The following CCDC7 variants were observed in gnomAD, a reference collection of about 807,000 sequenced individuals.
The protein encoded by CCDC7 is coiled-coil domain containing 7.
In CCDC7, 183 loss-of-function variants were observed where a neutral mutation model predicts 196.9. The observed-to-expected ratio is 0.93, with a 90% CI of 0.82 to 1.05. The LOEUF (loss-of-function observed/expected upper bound fraction) is 1.05. Ranked by LOEUF, CCDC7 falls within the 50% of genes least tolerant of loss-of-function variation. CCDC7 has a pLI of 0.00. For missense variants in CCDC7, 1,540 were observed against 1,482.2 expected (o/e 1.04, Z -0.64); for synonymous variants, 525 against 484.6 (o/e 1.08, Z -1.10).
At chr10:32,858,652 A>G (rs2093851969) in intron 41 of CCDC7, among the ~76,000 whole-genome samples, 1 of 152,132 alleles carries the variant, frequency 6.6e-6, no homozygotes, top group Non-Finnish European at 1.5e-5. Flanking sequence ...AAGTTTTAAT[A>G]GTATAGGTAT....
chr10:32,514,114 A>G (rs1004327660), intron 9 of CCDC7: 13 of 152,230 alleles, frequency 8.5e-5, no homozygotes, highest in African/African-American at 3.1e-4. Flanking sequence ...ATTGGAAGTA[A>G]TGAATGAATT....
intron 21 of CCDC7, among the ~76,000 whole-genome samples, chr10:32,671,539 TA>T (rs2074060100): frequency 6.6e-6 from 1 of 152,190 alleles, no homozygotes; most frequent in Non-Finnish European, 1.5e-5. Flanking sequence ...CTGATCCTCC[TA>T]AAAAATGTTT....
At chr10:32,771,186 G>A (rs963609729) in intron 28 of CCDC7, among the ~76,000 whole-genome samples, 4 of 152,092 alleles carry the variant, frequency 2.6e-5, no homozygotes, top group Non-Finnish European at 4.4e-5. Flanking sequence ...CAGCTTTCAA[G>A]AAATTATATT....
At chr10:32,680,549 T>A (rs755812423) in intron 21 of CCDC7, among the ~76,000 whole-genome samples, 2 of 152,168 alleles carry the variant, frequency 1.3e-5, no homozygotes, top group African/African-American at 4.8e-5. Context: ...TCATTTACAT[T>A]AGCTATTTCT....
intron 3 of CCDC7, among the ~76,000 whole-genome samples, chr10:32,462,113 A>C (rs1308270373): frequency 6.6e-6 from 1 of 151,972 alleles, no homozygotes; most frequent in African/African-American, 2.4e-5. Context: ...AAATTTGGGA[A>C]TTGTTTGGGG....
At chr10:32,560,995 C>T (rs1173375734) in intron 13 of CCDC7, among the ~76,000 whole-genome samples, 1 of 149,174 alleles carries the variant, frequency 6.7e-6, no homozygotes, top group Admixed American at 6.7e-5. Flanking sequence ...AAATGCAAAA[C>T]AAAAAAAAAG....
chr10:32,752,776 T>A (rs946902956), intron 28 of CCDC7, among the ~76,000 whole-genome samples: 14 of 152,164 alleles, frequency 9.2e-5, no homozygotes, highest in African/African-American at 3.1e-4. Flanking sequence ...TTCTGAAGTA[T>A]TTCAATGTCT....
chr10:32,623,823 T>C (rs1202643784), intron 18 of CCDC7: 1 of 469,160 alleles, frequency 2.1e-6, no homozygotes, highest in Non-Finnish European at 4.4e-6. Context: ...ACACGGTGAG[T>C]GTGGGAATGA....
intron 18 of CCDC7, among the ~76,000 whole-genome samples, chr10:32,610,643 A>G (rs181139165): frequency 4.9e-4 from 74 of 151,780 alleles, no homozygotes; most frequent in African/African-American, 1.6e-3. Context: ...TCATTGTTCA[A>G]CTCCCACTTA....
intron 18 of CCDC7, among the ~76,000 whole-genome samples, chr10:32,589,952 GGT>G (rs2059631780): frequency 1.3e-5 from 2 of 151,886 alleles, no homozygotes; most frequent in Non-Finnish European, 2.9e-5. Flanking sequence ...TATCCTTATA[GGT>G]GAAGTGTGTT....
At chr10:32,797,543 A>C (rs2083856236) in intron 29 of CCDC7, among the ~76,000 whole-genome samples, 1 of 152,000 alleles carries the variant, frequency 6.6e-6, no homozygotes, top group African/African-American at 2.4e-5. Context: ...AAGGGATAAA[A>C]GGCTACAAAT....
At chr10:32,856,345 G>C (rs2093752418) in intron 41 of CCDC7, among the ~76,000 whole-genome samples, 1 of 152,092 alleles carries the variant, frequency 6.6e-6, no homozygotes, top group South Asian at 2.1e-4. Flanking sequence ...AGAATATATA[G>C]AGACCTCCTA....
At chr10:32,519,772 A>T (rs915365987) in intron 11 of CCDC7, among the ~76,000 whole-genome samples, 4 of 152,008 alleles carry the variant, frequency 2.6e-5, no homozygotes, top group Admixed American at 6.6e-5. Flanking sequence ...CAATTAAATC[A>T]CTATTGACTA....
At chr10:32,816,092 G>T (rs1211321322) in intron 31 of CCDC7, among the ~76,000 whole-genome samples, 1 of 112,232 alleles carries the variant, frequency 8.9e-6, no homozygotes, top group Non-Finnish European at 1.8e-5. Context: ...CCTAGTAAAA[G>T]AAAGGGGTGA....
intron 18 of CCDC7, among the ~76,000 whole-genome samples, chr10:32,633,602 G>A (rs1229521355): frequency 6.6e-6 from 1 of 151,148 alleles, no homozygotes; most frequent in African/African-American, 2.4e-5. Context: ...TTGAATTAAT[G>A]CTTTGTTTCT....
chr10:32,564,522 A>G (rs539255924), intron 13 of CCDC7, among the ~76,000 whole-genome samples: 133 of 152,204 alleles, frequency 8.7e-4, no homozygotes, highest in African/African-American at 3.2e-3. Flanking sequence ...GAAATTGGAA[A>G]TCATCATTCT....
intron 33 of CCDC7, among the ~76,000 whole-genome samples, chr10:32,841,561 G>T (rs1247029786): frequency 6.6e-6 from 1 of 151,962 alleles, no homozygotes; most frequent in Admixed American, 6.6e-5. Flanking sequence ...CAAATTCAAT[G>T]CAATTCCCAT....
intron 9 of CCDC7, among the ~76,000 whole-genome samples, chr10:32,498,668 C>G (rs931664305): frequency 6.6e-6 from 1 of 152,088 alleles, no homozygotes; most frequent in Admixed American, 6.6e-5. Context: ...ATATGAAATT[C>G]TGGGTTGAAA....
At chr10:32,647,630 CTTTT>C (rs2068014523) in intron 20 of CCDC7, among the ~76,000 whole-genome samples, 1 of 151,884 alleles carries the variant, frequency 6.6e-6, no homozygotes, top group Non-Finnish European at 1.5e-5. Context: ...CAGCATATGT[CTTTT>C]TTTGATAAGT....
Sources: allele counts gnomAD v4.1 joint callset (sites outside exome capture counted in the v4.1 genomes callset), GRCh38; gene constraint gnomAD v4.1.1; transcripts MANE v1.5; gene names NCBI Gene and HGNC (gene_info 2026-07-23, HGNC 2026-07-21).